HCN1: variants seen among roughly 807,000 people sequenced by gnomAD.
The protein encoded by HCN1 is hyperpolarization activated cyclic nucleotide gated potassium channel 1, also known as potassium/sodium hyperpolarization-activated cyclic nucleotide-gated channel 1.
Under a neutral mutation model 78.9 loss-of-function variants are expected in HCN1, and 13 were observed. The observed-to-expected ratio is 0.16, with a 90% CI of 0.11 to 0.26. The LOEUF is 0.26. Ranked by LOEUF, HCN1 falls within the 10% of genes least tolerant of loss-of-function variation. The pLI is 1.00. For synonymous variants in HCN1, 552 were observed against 455.5 expected (o/e 1.21, Z -2.70); for missense variants, 810 against 1,154.3 (o/e 0.70, Z 4.32).
At chr5:45,467,857 A>G (rs560158085) in intron 2 of HCN1, among the ~76,000 whole-genome samples, 19 of 152,134 alleles carry the variant, frequency 1.2e-4, no homozygotes, top group Non-Finnish European at 2.5e-4. Flanking sequence ...TTGAAAAAGA[A>G]TCTTCACTTC....
intron 2 of HCN1, among the ~76,000 whole-genome samples, chr5:45,608,456 CAT>C (rs1423485952): frequency 1.3e-5 from 2 of 150,724 alleles, no homozygotes; most frequent in Admixed American, 1.3e-4. Context: ...AAATAGCTAA[CAT>C]AGTTCTAAAT....
At chr5:45,262,917 G>A in intron 7 of HCN1, 107 bp from the exon 8 acceptor site, 4 of 1,265,948 alleles carry the variant, frequency 3.2e-6, no homozygotes, top group Non-Finnish European at 4.5e-6. Flanking sequence ...CTTCACAGGA[G>A]AGGCTTAAAA....
intron 1 of HCN1, among the ~76,000 whole-genome samples, chr5:45,690,524 T>C (rs1301545319): frequency 6.6e-6 from 1 of 152,046 alleles, no homozygotes; most frequent in Non-Finnish European, 1.5e-5. Context: ...AACAGAGCCA[T>C]GAAGGTTTAT....
intron 4 of HCN1, among the ~76,000 whole-genome samples, chr5:45,373,592 A>G (rs975811432): frequency 1.4e-5 from 2 of 140,092 alleles, no homozygotes; most frequent in African/African-American, 2.6e-5. Flanking sequence ...ATAATATATT[A>G]CATACGGTAT....
At position 45,256,296 on chromosome 5, in the gene HCN1, C is replaced by T. The variant is rs1033096072; in HGVS notation, c.*5625G>A. 6.6e-6 allele frequency: 1 copy of T among 151,390 alleles called. No individual in the cohort carries two copies. The highest frequency in any genetic ancestry group is 1.5e-5 in the Non-Finnish European group (1 of 67,958). The allele number at this position is 151,390 out of a possible 1,614,324, so 9.4% of individuals were successfully genotyped here. ...GCTGATGCAGGAGAATTGCTTAAAC[C>T]TGGGAGGCTGATGTTGCAGTGGGCC... is the stretch of plus-strand genomic sequence containing the variant. On this transcript the variant is annotated 3_prime_UTR_variant, in exon 8 of 8. Transcript: ENST00000303230.
intron 2 of HCN1, chr5:45,643,663 C>T (rs1745496082): frequency 1.3e-5 from 2 of 152,062 alleles, no homozygotes; most frequent in Admixed American, 1.3e-4. Flanking sequence ...GGACGAGTTA[C>T]CTTATTGTAT....
At chr5:45,562,403 G>A (rs1469432949) in intron 2 of HCN1, among the ~76,000 whole-genome samples, 1 of 152,074 alleles carries the variant, frequency 6.6e-6, no homozygotes, top group African/African-American at 2.4e-5. Flanking sequence ...TGGGTGCAGT[G>A]GCTCATTCCT....
chr5:45,348,755 A>G lies in HCN1; in HGVS notation c.1377+4345T>C, dbSNP rs1746810043. The stretch of plus-strand genomic sequence containing the variant: ...CTGATAAAACAGACGTTAAACCAAC[A>G]AAGATCAAAAGAGACAAAGAAGGCC... On this transcript the variant is annotated intron_variant, in intron 5 of 7. Transcript: ENST00000303230. 2.0e-5 allele frequency among the ~76,000 whole-genome samples: 3 copies of G among 152,352 alleles called. No individual in the cohort carries two copies. The South Asian group carries it at 6.2e-4, about 32-fold the overall frequency.
chr5:45,431,263 A>C (rs1263634587), intron 3 of HCN1, among the ~76,000 whole-genome samples: 1 of 152,018 alleles, frequency 6.6e-6, no homozygotes, highest in Non-Finnish European at 1.5e-5. Flanking sequence ...GTGTCTCTTC[A>C]TGTCCTTTGC....
chr5:45,462,093 G>A (rs1579910401), intron 2 of HCN1, 86 bp from the exon 3 acceptor site: 3 of 984,102 alleles, frequency 3.0e-6, no homozygotes, highest in South Asian at 1.4e-5. Flanking sequence ...TTGATGTTGT[G>A]TAGCGTAAGC....
chr5:45,305,509 T>G (rs187690937), intron 5 of HCN1, among the ~76,000 whole-genome samples: 1 of 152,252 alleles, frequency 6.6e-6, no homozygotes, highest in Admixed American at 6.5e-5. Context: ...GCATCATTAT[T>G]CAAATCAAAA....
At chr5:45,353,325 T>C in intron 4 of HCN1, 79 bp from the exon 5 acceptor site, 2 of 1,083,926 alleles carry the variant, frequency 1.8e-6, no homozygotes, top group Non-Finnish European at 2.8e-6. Context: ...TTTTGCTATA[T>C]TCAATAATAT....
At chr5:45,663,689 C>CA (rs993962817) in intron 1 of HCN1, among the ~76,000 whole-genome samples, 369 of 151,740 alleles carry the variant, frequency 2.4e-3, no homozygotes, top group African/African-American at 8.2e-3. Context: ...TTTATGCAGC[C>CA]AAAAAACACA....
intron 2 of HCN1, among the ~76,000 whole-genome samples, chr5:45,483,197 A>G (rs1350082389): frequency 6.6e-6 from 1 of 152,194 alleles, no homozygotes; most frequent in African/African-American, 2.4e-5. Context: ...TGCTTTCCAC[A>G]GTGGCTGGAC....
intron 1 of HCN1, among the ~76,000 whole-genome samples, chr5:45,687,466 T>C (rs1280687751): frequency 6.6e-6 from 1 of 152,186 alleles, no homozygotes; most frequent in Non-Finnish European, 1.5e-5. Flanking sequence ...TTTGTTCTAA[T>C]TCTAACGGGC....
intron 5 of HCN1, among the ~76,000 whole-genome samples, chr5:45,311,417 G>A (rs951319491): frequency 5.3e-5 from 8 of 152,016 alleles, no homozygotes; most frequent in African/African-American, 1.9e-4. Flanking sequence ...TCTTACTTTT[G>A]CAATCAGCTT....
chr5:45,572,579 C>T (rs1743858598), intron 2 of HCN1, among the ~76,000 whole-genome samples: 1 of 152,054 alleles, frequency 6.6e-6, no homozygotes, highest in South Asian at 2.1e-4. Flanking sequence ...GGTCTATAGC[C>T]AAGATTGAGA....
intron 5 of HCN1, among the ~76,000 whole-genome samples, chr5:45,345,418 C>A (rs1361671216): frequency 6.6e-6 from 1 of 152,208 alleles, no homozygotes; most frequent in Non-Finnish European, 1.5e-5. Context: ...GAATTTCTCC[C>A]CAGAAAGTGG....
chr5:45,396,386 CT>C (rs35841808), intron 4 of HCN1, 105 bp downstream of exon 4: 55,049 of 667,738 alleles, frequency 0.082, 1 homozygote, highest in Middle Eastern at 0.1. Flanking sequence ...CATTTTATCT[CT>C]TTTTTTTTTT....
Sources: gnomAD v4.1 joint callset for allele counts (sites outside exome capture counted in the v4.1 genomes callset) on GRCh38, gnomAD v4.1.1 for gene constraint, MANE v1.5 for transcripts, NCBI Gene and HGNC (gene_info 2026-07-23, HGNC 2026-07-21) for gene names.